The following ARL15 variants were observed in gnomAD, a reference collection of about 807,000 sequenced individuals.
ARL15 encodes the protein ADP-ribosylation factor-like protein 15.
In ARL15, 19 loss-of-function variants were observed where a neutral mutation model predicts 25.2. The ratio of observed to expected loss-of-function variants is 0.75; its 90% CI spans 0.53 to 1.10. The LOEUF is 1.10. Among genes scored for constraint, ARL15 ranks in the 50% least tolerant of loss-of-function variants. The pLI is 0.00. For synonymous variants in ARL15, 94 were observed against 86.8 expected (o/e 1.08, Z -0.46); for missense variants, 220 against 246.0 (o/e 0.89, Z 0.71).
chr5:54,000,726 A>T (rs1444160505), intron 4 of ARL15, among the ~76,000 whole-genome samples: 1 of 152,206 alleles, frequency 6.6e-6, no homozygotes, highest in Admixed American at 6.5e-5. Context: ...TAACCAAAAA[A>T]AGGGAAATAA....
At chr5:53,974,266 G>A (rs1481522154) in intron 4 of ARL15, among the ~76,000 whole-genome samples, 1 of 152,236 alleles carries the variant, frequency 6.6e-6, no homozygotes, top group African/African-American at 2.4e-5. Flanking sequence ...GGGCAGCTAA[G>A]TGGTTGTAAG....
intron 4 of ARL15, among the ~76,000 whole-genome samples, chr5:53,983,083 C>T (rs1748178498): frequency 6.6e-6 from 1 of 151,980 alleles, no homozygotes; most frequent in South Asian, 2.1e-4. Flanking sequence ...TGTAAACTGC[C>T]AGTCATGGAA....
At chr5:54,208,391 T>C (rs1755931803) in intron 1 of ARL15, among the ~76,000 whole-genome samples, 1 of 151,906 alleles carries the variant, frequency 6.6e-6, no homozygotes, top group Admixed American at 6.6e-5. Flanking sequence ...AATACATATA[T>C]ACATGCACAT....
At chr5:54,222,862 C>T (rs185326080) in intron 1 of ARL15, among the ~76,000 whole-genome samples, 1 of 152,110 alleles carries the variant, frequency 6.6e-6, no homozygotes, top group African/African-American at 2.4e-5. Context: ...CTCACTCTGT[C>T]GCCCAAGAGT....
At chr5:54,055,464 G>A (rs958652689) in intron 4 of ARL15, among the ~76,000 whole-genome samples, 2 of 145,684 alleles carry the variant, frequency 1.4e-5, no homozygotes, top group African/African-American at 2.5e-5. Flanking sequence ...GGGTTCAAGC[G>A]ATTCTCCTGC....
At chr5:54,136,387 T>C (rs1753603434) in intron 3 of ARL15, among the ~76,000 whole-genome samples, 1 of 152,172 alleles carries the variant, frequency 6.6e-6, no homozygotes, top group Admixed American at 6.5e-5. Flanking sequence ...GCCAGTAAAA[T>C]ACAAGCAAGT....
In ARL15 at chr5:53,912,729, T is replaced by C. The variant is rs987987912; in HGVS notation, c.463-26016A>G. Among the ~76,000 whole-genome samples the C allele has an allele frequency of 1.5e-4, 23 of 152,092 alleles. 1 individual carries two copies. The highest frequency in any genetic ancestry group is 4.4e-5 in the Non-Finnish European group (3 of 68,010). On this transcript the variant is annotated intron_variant, in intron 4 of 4. Transcript: ENST00000504924. ...CACAAGAGACTAAAGATTGCTAGAG[T>C]ATTGTGGAACCCTCAGTGATCTGAA... is the stretch of plus-strand genomic sequence containing the variant.
At chr5:54,257,299 A>G (rs186246840) in intron 1 of ARL15, among the ~76,000 whole-genome samples, 2 of 152,334 alleles carry the variant, frequency 1.3e-5, no homozygotes, top group Non-Finnish European at 2.9e-5. Context: ...AAAAAATAAA[A>G]TACCTAGAAA....
intron 1 of ARL15, among the ~76,000 whole-genome samples, chr5:54,198,753 A>G (rs1346027149): frequency 1.3e-5 from 2 of 151,438 alleles, no homozygotes; most frequent in Non-Finnish European, 2.9e-5. Flanking sequence ...TGCCATCCCC[A>G]TCAAGCTACC....
chr5:54,049,461 T>A (rs368671819), intron 4 of ARL15, among the ~76,000 whole-genome samples: 10 of 152,244 alleles, frequency 6.6e-5, no homozygotes, highest in African/African-American at 2.4e-4. Context: ...ATATACATCT[T>A]AAAGGATATA....
At chr5:53,922,345 A>G (rs1745882018) in intron 4 of ARL15, among the ~76,000 whole-genome samples, 1 of 152,224 alleles carries the variant, frequency 6.6e-6, no homozygotes, top group Admixed American at 6.5e-5. Flanking sequence ...AGAATCCAAT[A>G]GTTCACCGTA....
chr5:54,138,498 C>T (rs1265650143), intron 3 of ARL15, among the ~76,000 whole-genome samples: 1 of 152,084 alleles, frequency 6.6e-6, no homozygotes, highest in African/African-American at 2.4e-5. Context: ...ATCCCTACCT[C>T]TCCACTTACA....
intron 3 of ARL15, among the ~76,000 whole-genome samples, chr5:54,143,925 C>A (rs1049819997): frequency 6.6e-6 from 1 of 151,930 alleles, no homozygotes; most frequent in Non-Finnish European, 1.5e-5. Context: ...CTTTAAGACA[C>A]ATAAACTTCA....
At chr5:54,307,589 G>C (rs1178808757) in intron 1 of ARL15, among the ~76,000 whole-genome samples, 23 of 152,092 alleles carry the variant, frequency 1.5e-4, no homozygotes, top group Admixed American at 1.5e-3. Flanking sequence ...AATCAACAGC[G>C]ACCCGAAGAT....
chr5:54,208,827 C>A (rs2112501190), intron 1 of ARL15, among the ~76,000 whole-genome samples: 1 of 152,284 alleles, frequency 6.6e-6, no homozygotes, highest in Non-Finnish European at 1.5e-5. Flanking sequence ...GACAGCCATG[C>A]AGCAGGGCTG....
At chr5:54,236,957 A>G (rs1005127726) in intron 1 of ARL15, among the ~76,000 whole-genome samples, 1 of 152,202 alleles carries the variant, frequency 6.6e-6, no homozygotes, top group Non-Finnish European at 1.5e-5. Flanking sequence ...GTACGACATC[A>G]TTGGAACATG....
intron 4 of ARL15, among the ~76,000 whole-genome samples, chr5:54,057,246 G>T (rs977991659): frequency 6.6e-6 from 1 of 152,120 alleles, no homozygotes; most frequent in Non-Finnish European, 1.5e-5. Context: ...TCTCCAAACT[G>T]GCTTATTTTA....
At chr5:53,893,022 G>C (rs1744769722) in intron 4 of ARL15, among the ~76,000 whole-genome samples, 2 of 152,178 alleles carry the variant, frequency 1.3e-5, no homozygotes, top group South Asian at 4.1e-4. Flanking sequence ...GTTACAAAAA[G>C]AGTGGGACTT....
chr5:54,277,473 C>T (rs777804657), intron 1 of ARL15, among the ~76,000 whole-genome samples: 8 of 152,188 alleles, frequency 5.3e-5, no homozygotes, highest in South Asian at 2.1e-4. Context: ...TTCTGCAGGC[C>T]GGGCATGGTG....
Sources: gnomAD v4.1 joint callset for allele counts (sites outside exome capture counted in the v4.1 genomes callset) on GRCh38, gnomAD v4.1.1 for gene constraint, MANE v1.5 for transcripts, NCBI Gene and HGNC (gene_info 2026-07-23, HGNC 2026-07-21) for gene names.